USP22: variants seen among roughly 807,000 people sequenced by gnomAD.
The protein encoded by USP22 is ubiquitin specific peptidase 22.
A neutral mutation model predicts 68.1 loss-of-function variants in USP22; 22 were observed. That is an observed-to-expected ratio of 0.32 (90% confidence interval 0.23 to 0.46). USP22 has a LOEUF of 0.46. Among genes scored for constraint, USP22 ranks in the 20% least tolerant of loss-of-function variants. The pLI, the probability that USP22 is intolerant of heterozygous loss-of-function variation, is 1.00. For synonymous variants in USP22, 279 were observed against 274.2 expected (o/e 1.02, Z -0.17); for missense variants, 433 against 695.8 (o/e 0.62, Z 4.25).
chr17:21,020,280 C>CT (rs1972139228), intron 3 of USP22, among the ~76,000 whole-genome samples: 2 of 99,110 alleles, frequency 2.0e-5, no homozygotes, highest in Admixed American at 1.9e-4. Flanking sequence ...GGAAAAAAAA[C>CT]TCAGGGAAGC....
In USP22 at chr17:21,000,278, C is replaced by G; in HGVS notation, c.*2753G>C. ...CTAAAAGAAATTCCTGAACCCAACGCGTAAATATTTTGTTCTGACAAAGTA... is the reference window on the plus strand; with the variant it reads ...CTAAAAGAAATTCCTGAACCCAACGGGTAAATATTTTGTTCTGACAAAGTA... On this transcript the variant is annotated 3_prime_UTR_variant, in exon 13 of 13. Transcript: ENST00000261497. 1 of 152,192 alleles carries G rather than the reference C, an allele frequency of 6.6e-6. No individual in the cohort carries two copies. Among genetic ancestry groups the G allele is most frequent in the East Asian group, 1.9e-4 (1 of 5,206 alleles). The allele number at this position is 152,192 out of a possible 1,614,324, so 9.4% of individuals were successfully genotyped here.
intron 1 of USP22, among the ~76,000 whole-genome samples, chr17:21,041,689 C>T (rs1972434511): frequency 6.6e-6 from 1 of 152,208 alleles, no homozygotes; most frequent in Non-Finnish European, 1.5e-5. Flanking sequence ...AAATGCCACT[C>T]AAGGTGGAAA....
At chr17:21,035,097 C>G (rs1972337187) in intron 1 of USP22, among the ~76,000 whole-genome samples, 1 of 152,178 alleles carries the variant, frequency 6.6e-6, no homozygotes, top group Non-Finnish European at 1.5e-5. Flanking sequence ...GCAAAATCCT[C>G]CTGGTACTGA....
intron 12 of USP22, among the ~76,000 whole-genome samples, chr17:21,003,342 C>G (rs188370319): frequency 5.9e-5 from 9 of 152,382 alleles, no homozygotes; most frequent in Admixed American, 1.3e-4. Flanking sequence ...GCCTCTCCCC[C>G]ACTTGTGACA....
At chr17:21,008,567 G>A (rs894813186) in intron 8 of USP22, among the ~76,000 whole-genome samples, 10 of 152,102 alleles carry the variant, frequency 6.6e-5, no homozygotes, top group Admixed American at 5.2e-4. Flanking sequence ...ATTGTCAGGC[G>A]TATGGAAATG....
chr17:21,012,814 G>A lies in USP22; in HGVS notation c.944+16C>T, dbSNP rs748354224. The A allele has an allele frequency of 2.3e-5, 37 of 1,610,336 alleles. No homozygotes were observed. The highest frequency in any genetic ancestry group is 1.3e-4 in the East Asian group (6 of 44,864). ...CAGAGGGTTTGATATTGCCGAGCAC[G>A]CAGCCTCTCACTTACTGGCAGACTT... On this transcript the variant is annotated intron_variant, in intron 7 of 12. Transcript: ENST00000261497.
At chr17:21,020,391 T>A (rs1231679106) in intron 3 of USP22, among the ~76,000 whole-genome samples, 1 of 151,974 alleles carries the variant, frequency 6.6e-6, no homozygotes, top group East Asian at 1.9e-4. Context: ...CGACGGCAAG[T>A]GCAAAACCCA....
chr17:21,011,467 A>C, intron 7 of USP22, 158 bp from the exon 8 acceptor site: 1 of 929,422 alleles, frequency 1.1e-6, no homozygotes, highest in Non-Finnish European at 1.6e-6. Flanking sequence ...AGCAGTGCTC[A>C]CACCCAACGT....
chr17:21,038,050 GTGA>G (rs1222026990), intron 1 of USP22, among the ~76,000 whole-genome samples: 2 of 152,102 alleles, frequency 1.3e-5, no homozygotes, highest in African/African-American at 2.4e-5. Context: ...ATGTTTTGTT[GTGA>G]TGATTTGAAA....
At chr17:21,010,404 A>G (rs1913919168) in intron 8 of USP22, among the ~76,000 whole-genome samples, 1 of 151,982 alleles carries the variant, frequency 6.6e-6, no homozygotes. Context: ...AATCACTCAC[A>G]GGTGTGGTGG....
At chr17:21,035,726 A>G (rs1485156981) in intron 1 of USP22, among the ~76,000 whole-genome samples, 2 of 152,200 alleles carry the variant, frequency 1.3e-5, no homozygotes, top group African/African-American at 4.8e-5. Flanking sequence ...AAATACCATT[A>G]AAAGAAAAAG....
rs1972454264 is a variant in USP22 at position 21,042,622 on chromosome 17, C to T, written c.171+43G>A. 5 of 1,257,120 alleles carry T rather than the reference C, an allele frequency of 4.0e-6. No individual in the cohort carries two copies. The African/African-American group carries it at 4.6e-5, about 12-fold the overall frequency. 77.9% of individuals were successfully genotyped at this position (1,257,120 alleles called of 1,614,324 possible). ...CTCCGCCGGCCGGCCTCAGGAGCGG[C>T]AGAAGGCCCCGAGCCCGCCGCGCGG... On this transcript the variant is annotated intron_variant, in intron 1 of 12. Coordinates refer to ENST00000261497, the MANE Select transcript of USP22 (RefSeq NM_015276.2).
intron 7 of USP22, 23 bp downstream of exon 7, chr17:21,012,807 C>T (rs376247062): frequency 8.1e-5 from 131 of 1,607,614 alleles, no homozygotes; most frequent in East Asian, 6.0e-4. Context: ...TTGATATTGC[C>T]GAGCACGCAG....
chr17:21,028,696 G>T, intron 1 of USP22, 22 bp from the exon 2 acceptor site: 9 of 1,611,752 alleles, frequency 5.6e-6, no homozygotes, highest in Non-Finnish European at 7.6e-6. Context: ...AGAAGAGGAG[G>T]AGTGAACGCT....
At chr17:21,023,890 G>C (rs149360365) in intron 2 of USP22, among the ~76,000 whole-genome samples, 51 of 152,248 alleles carry the variant, frequency 3.3e-4, no homozygotes, top group African/African-American at 1.2e-3. Context: ...GTGATGATTA[G>C]GTTAGTATAT....
chr17:21,028,803 C>T lies in USP22; in HGVS notation c.172-129G>A. ...AGGACAGGGAATTCCATCTTCAAGG[C>T]TTACTACTCTAGAGGATCAGTTTAA... On this transcript the variant is annotated intron_variant, in intron 1 of 12. Coordinates refer to ENST00000261497, the MANE Select transcript of USP22 (RefSeq NM_015276.2). 3.4e-6 allele frequency: 4 copies of T among 1,189,918 alleles called. No individual in the cohort carries two copies. In the Admixed American group the frequency reaches 8.1e-5, roughly 24 times the overall value. 73.7% of individuals were successfully genotyped at this position (1,189,918 alleles called of 1,614,324 possible).
At chr17:21,029,491 C>T (rs995754467) in intron 1 of USP22, among the ~76,000 whole-genome samples, 2 of 152,130 alleles carry the variant, frequency 1.3e-5, no homozygotes, top group African/African-American at 4.8e-5. Flanking sequence ...TAATAAATAT[C>T]GTAAAAAGAC....
At chr17:21,019,458 A>G (rs752603763) in intron 3 of USP22, among the ~76,000 whole-genome samples, 2 of 152,226 alleles carry the variant, frequency 1.3e-5, no homozygotes, top group Admixed American at 6.5e-5. Context: ...CAATGCCAAA[A>G]CAGTTGTTTT....
chr17:21,040,765 C>T lies in USP22; in HGVS notation c.171+1900G>A, dbSNP rs368428413. Among the ~76,000 whole-genome samples, 3 of 152,072 alleles carry T rather than the reference C, an allele frequency of 2.0e-5. No homozygotes were observed. The East Asian group carries it at 5.8e-4, about 29-fold the overall frequency. ...AAAAGGAGGGAGAGGAAGAGTGGGG[C>T]GGTCCCCACTTCATCCAAAGTAGTA... On this transcript the variant is annotated intron_variant, in intron 1 of 12. Transcript: ENST00000261497.
Sources: allele counts gnomAD v4.1 joint callset (sites outside exome capture counted in the v4.1 genomes callset), GRCh38; gene constraint gnomAD v4.1.1; transcripts MANE v1.5; gene names NCBI Gene and HGNC (gene_info 2026-07-23, HGNC 2026-07-21).